MAP3K2: variants seen among roughly 807,000 people sequenced by gnomAD.
MAP3K2 encodes the protein MAP/ERK kinase kinase 2.
In MAP3K2, 24 loss-of-function variants were observed where a neutral mutation model predicts 80.3. The observed-to-expected ratio is 0.30, with a 90% CI of 0.22 to 0.42. MAP3K2 has a LOEUF of 0.42. Among genes scored for constraint, MAP3K2 ranks in the 10% least tolerant of loss-of-function variants. The pLI is 1.00. For synonymous variants in MAP3K2, 244 were observed against 253.7 expected, an observed-to-expected ratio of 0.96 and a Z score of 0.36; for missense variants, 608 against 750.1, an observed-to-expected ratio of 0.81 and a Z score of 2.21.
chr2:127,302,328 G>C lies in MAP3K2; in HGVS notation c.*5251C>G, dbSNP rs1038986501. On this transcript the variant is annotated 3_prime_UTR_variant, in exon 17 of 17. Coordinates refer to ENST00000682094, the MANE Select transcript of MAP3K2 (RefSeq NM_001371910.2). ...CTACCCAAGGATGACTACACTCACT[G>C]TATGTCATCAGTAGGTCATACATTT... 1 of 152,012 alleles carries C rather than the reference G, an allele frequency of 6.6e-6. No homozygotes were observed. The highest frequency in any genetic ancestry group is 2.4e-5 in the African/African-American group (1 of 41,388). The allele number at this position is 152,012 out of a possible 1,614,324, so 9.4% of individuals were successfully genotyped here. A position where few individuals can be genotyped will look rare whatever the true frequency, so the allele number is the denominator to read the frequency against.
chr2:127,338,399 C>T (rs553784634), intron 3 of MAP3K2, among the ~76,000 whole-genome samples: 115 of 152,204 alleles, frequency 7.6e-4, no homozygotes, highest in Non-Finnish European at 1.5e-3. Context: ...ACTCACGTCA[C>T]GGGGAGTTGC....
At chr2:127,358,271 T>G (rs1206667059) in intron 1 of MAP3K2, among the ~76,000 whole-genome samples, 1 of 152,208 alleles carries the variant, frequency 6.6e-6, no homozygotes, top group Non-Finnish European at 1.5e-5. Flanking sequence ...TACAAAAGAC[T>G]AGCCATCCAA....
chr2:127,382,113 G>C (rs141866788), intron 1 of MAP3K2, among the ~76,000 whole-genome samples: 1,541 of 152,308 alleles, frequency 0.01, 11 homozygotes, highest in Middle Eastern at 0.041. Context: ...ATTTGGTGGG[G>C]ATGGGTGTAC....
In MAP3K2 at chr2:127,308,775, C is replaced by T. The variant is rs372631049; in HGVS notation, c.1457-13G>A. ...AGGATATTTGCGCCTAAAAATAAGA[C>T]ATTGCCTCATTTCATTAATTTTATT... On this transcript the variant is annotated splice_polypyrimidine_tract_variant and intron_variant, in intron 15 of 16. Transcript: ENST00000682094. The T allele has an allele frequency of 4.4e-6, 7 of 1,606,596 alleles. No homozygotes were observed. In the African/African-American group the frequency reaches 8.0e-5, roughly 18 times the overall value.
chr2:127,362,060 T>C (rs1010403180), intron 1 of MAP3K2, among the ~76,000 whole-genome samples: 1 of 152,236 alleles, frequency 6.6e-6, no homozygotes. Context: ...TTTTAAGGTA[T>C]TACTCAGACA....
chr2:127,340,972 CTTCT>C (rs1456141543), intron 2 of MAP3K2, among the ~76,000 whole-genome samples: 2 of 151,848 alleles, frequency 1.3e-5, no homozygotes, highest in African/African-American at 2.4e-5. Flanking sequence ...TTTATAAATA[CTTCT>C]TTCTTTTTGG....
rs116445322 is a variant in MAP3K2 at position 127,366,516 on chromosome 2, C to T, written c.-66+20936G>A. ...AAAAATTCTGAGAAGAAAAATATTT[C>T]GTGATGTATAGTTTGTCCCAAAATG... On this transcript the variant is annotated intron_variant, in intron 1 of 16. Coordinates refer to ENST00000682094, the MANE Select transcript of MAP3K2 (RefSeq NM_001371910.2). Among the ~76,000 whole-genome samples, 623 of 152,032 alleles carry T rather than the reference C, an allele frequency of 4.1e-3. 6 individuals carry two copies. The highest frequency in any genetic ancestry group is 0.014 in the African/African-American group (580 of 41,468).
At chr2:127,311,966 C>T (rs1433007482) in intron 15 of MAP3K2, among the ~76,000 whole-genome samples, 8 of 152,106 alleles carry the variant, frequency 5.3e-5, no homozygotes, top group South Asian at 2.1e-4. Context: ...TTGCTGACTG[C>T]GTCCCAAAGA....
At chr2:127,384,392 G>A (rs1044925690) in intron 1 of MAP3K2, among the ~76,000 whole-genome samples, 1 of 152,120 alleles carries the variant, frequency 6.6e-6, no homozygotes, top group Non-Finnish European at 1.5e-5. Flanking sequence ...TGACAGATCT[G>A]AGCAAAGTAA....
chr2:127,367,425 A>T (rs1490706002), intron 1 of MAP3K2, among the ~76,000 whole-genome samples: 1 of 152,248 alleles, frequency 6.6e-6, no homozygotes, highest in East Asian at 1.9e-4. Flanking sequence ...CATAATGTTG[A>T]TCTATCTCTC....
At chr2:127,328,749 AC>A (rs1403690430) in intron 7 of MAP3K2, among the ~76,000 whole-genome samples, 1 of 152,198 alleles carries the variant, frequency 6.6e-6, no homozygotes, top group Admixed American at 6.5e-5. Flanking sequence ...CCAAAAGAGA[AC>A]ATGAATAATG....
intron 1 of MAP3K2, among the ~76,000 whole-genome samples, chr2:127,383,071 G>C (rs1368164435): frequency 6.6e-6 from 1 of 152,224 alleles, no homozygotes; most frequent in Non-Finnish European, 1.5e-5. Context: ...AAGAGCAGGA[G>C]CAAGTGAGAG....
intron 12 of MAP3K2, among the ~76,000 whole-genome samples, chr2:127,319,844 T>TAAA (rs750112594): frequency 9.2e-6 from 1 of 108,386 alleles, no homozygotes. Flanking sequence ...CATCTCAAAT[T>TAAA]AAAAAAAAAA....
Position 127,324,190 on chromosome 2 carries a change from A to G in MAP3K2, c.729T>C (p.Asn243=). The G allele has an allele frequency of 6.4e-7, 1 of 1,556,786 alleles. No individual in the cohort carries two copies. Among genetic ancestry groups the G allele is most frequent in the Non-Finnish European group, 8.7e-7 (1 of 1,151,948 alleles). The change falls in exon 10 of 17, where the codon AAT becomes AAC. Residue 243 remains asparagine, a synonymous_variant. Coordinates refer to ENST00000682094, the MANE Select transcript of MAP3K2 (RefSeq NM_001371910.2). The part of the protein sequence containing the change: ...RMPRAQSYPD[N]HQEFSDYDNP... The stretch of plus-strand genomic sequence containing the variant: ...AAGTCTAACCTGAAAATTCCTGATG[A>G]TTATCTGGGTAGCTCTGAGCCCTAG...
At chr2:127,340,268 ACAGT>A (rs1412633058) in intron 2 of MAP3K2, among the ~76,000 whole-genome samples, 1 of 152,218 alleles carries the variant, frequency 6.6e-6, no homozygotes. Context: ...TAACCAAGCC[ACAGT>A]CAGGTACAAT....
upstream of MAP3K2, chr2:127,388,042 A>T (rs1193327514): frequency 6.1e-6 from 6 of 983,002 alleles, no homozygotes; most frequent in East Asian, 5.8e-4. Flanking sequence ...GCCCGGCGGT[A>T]GCGGAACCCG....
At chr2:127,366,942 C>T (rs2104880996) in intron 1 of MAP3K2, among the ~76,000 whole-genome samples, 1 of 139,780 alleles carries the variant, frequency 7.2e-6, no homozygotes, top group Admixed American at 8.1e-5. Flanking sequence ...ACAATCTCAG[C>T]TCACTGCAAC....
intron 1 of MAP3K2, among the ~76,000 whole-genome samples, chr2:127,353,199 A>C: frequency 2.9e-5 from 4 of 135,922 alleles, no homozygotes; most frequent in African/African-American, 8.6e-5. Context: ...CTGGCTGCCC[A>C]GTCTGGAAAG....
At chr2:127,343,540 A>G (rs544257997) in intron 1 of MAP3K2, among the ~76,000 whole-genome samples, 1 of 152,352 alleles carries the variant, frequency 6.6e-6, no homozygotes, top group East Asian at 1.9e-4. Flanking sequence ...CAAATCAGCA[A>G]TCAGGCCCAC....
Sources: allele counts gnomAD v4.1 joint callset (sites outside exome capture counted in the v4.1 genomes callset), GRCh38; gene constraint gnomAD v4.1.1; transcripts MANE v1.5; gene names NCBI Gene and HGNC (gene_info 2026-07-23, HGNC 2026-07-21).